The following KIRREL3 variants were observed in gnomAD, a reference collection of about 807,000 sequenced individuals.
KIRREL3 encodes kirre like nephrin family adhesion molecule 3.
In KIRREL3, 36 loss-of-function variants were observed where a neutral mutation model predicts 89.7. The ratio of observed to expected loss-of-function variants is 0.40; its 90% CI spans 0.31 to 0.53. The LOEUF (loss-of-function observed/expected upper bound fraction) is 0.53, where lower values mean the gene tolerates loss of function less well. Among genes scored for constraint, KIRREL3 ranks in the 20% least tolerant of loss-of-function variants. The pLI, the probability that KIRREL3 is intolerant of heterozygous loss-of-function variation, is 0.49. For missense variants in KIRREL3, 864 were observed against 1,056.6 expected, an observed-to-expected ratio of 0.82 and a Z score of 2.53; for synonymous variants, 445 against 441.4, an observed-to-expected ratio of 1.01 and a Z score of -0.10.
chr11:126,509,881 C>T (rs1222439350), intron 4 of KIRREL3, among the ~76,000 whole-genome samples: 1 of 149,084 alleles, frequency 6.7e-6, no homozygotes, highest in African/African-American at 2.5e-5. Flanking sequence ...TCTGTAATCC[C>T]AGGAGATTCG....
chr11:126,888,523 G>C (rs1371450167), intron 1 of KIRREL3, among the ~76,000 whole-genome samples: 4 of 152,094 alleles, frequency 2.6e-5, no homozygotes, highest in Non-Finnish European at 5.9e-5. Context: ...ATTTATAAAG[G>C]CTAGACCAGA....
At chr11:126,545,858 A>G (rs1179895125) in intron 2 of KIRREL3, among the ~76,000 whole-genome samples, 1 of 152,186 alleles carries the variant, frequency 6.6e-6, no homozygotes, top group African/African-American at 2.4e-5. Context: ...CAGGGCCCCC[A>G]CTGGCGCTGC....
chr11:126,547,593 T>C (rs1938911498), intron 2 of KIRREL3, among the ~76,000 whole-genome samples: 1 of 152,160 alleles, frequency 6.6e-6, no homozygotes, highest in Non-Finnish European at 1.5e-5. Context: ...CCTCAGGCTG[T>C]GTCCTCTCTT....
Position 126,796,997 on chromosome 11 carries a change from A to G in KIRREL3, c.55+203458T>C, listed in dbSNP as rs1306935401. Among the ~76,000 whole-genome samples, 2 of 152,180 alleles carry G rather than the reference A, an allele frequency of 1.3e-5. No individual in the cohort carries two copies. Among genetic ancestry groups the G allele is most frequent in the African/African-American group, 4.8e-5 (2 of 41,442 alleles). On this transcript the variant is annotated intron_variant, in intron 1 of 16. Coordinates refer to ENST00000525144, the MANE Select transcript of KIRREL3 (RefSeq NM_032531.4). The surrounding 1 kb of genome is among the most constrained non-coding windows in gnomAD (Gnocchi z 5.1). ...AGAATGTTTCTGGGGTGGAGGTCAT[A>G]TCAGGGCTGGGGACAGAAAGGCTGA... is the stretch of plus-strand genomic sequence containing the variant.
rs1347178674 is a variant in KIRREL3 at position 126,526,166 on chromosome 11, AATAATT to A, written c.283+366_283+371del. On this transcript the variant is annotated intron_variant, in intron 3 of 16. Transcript: ENST00000525144. The surrounding 1 kb of genome is among the most constrained non-coding windows in gnomAD (Gnocchi z 5.7). ...ACCAGGTTGTGACTTGTATTTCCTT[AATAATT>A]GTGCCTTAATAAATGGGGGATACAT... Among the ~76,000 whole-genome samples the A allele has an allele frequency of 6.6e-6, 1 of 152,140 alleles. No homozygotes were observed.
chr11:126,823,841 G>GC (rs1223777276), intron 1 of KIRREL3, among the ~76,000 whole-genome samples: 1 of 152,218 alleles, frequency 6.6e-6, no homozygotes, highest in African/African-American at 2.4e-5. Flanking sequence ...GCTCAAGCTG[G>GC]CAGGTGGGTC....
Position 126,490,962 on chromosome 11 carries a change from G to A in KIRREL3, c.434-17496C>T, listed in dbSNP as rs1352463604. 6.6e-6 allele frequency among the ~76,000 whole-genome samples: 1 copy of A among 152,216 alleles called. No individual in the cohort carries two copies. The highest frequency in any genetic ancestry group is 2.4e-5 in the African/African-American group (1 of 41,448). On this transcript the variant is annotated intron_variant, in intron 4 of 16. Coordinates refer to ENST00000525144, the MANE Select transcript of KIRREL3 (RefSeq NM_032531.4). The surrounding 1 kb of genome is among the most constrained non-coding windows in gnomAD (Gnocchi z 4.2). Reference sequence around the variant, plus strand: ...AGGATCCACAGCCCACCTGCACGAGGAGGGGGCGTTTGGAGGGTGGAGGAG... The same window carrying A: ...AGGATCCACAGCCCACCTGCACGAGAAGGGGGCGTTTGGAGGGTGGAGGAG...
rs1460754060 is a variant in KIRREL3 at position 126,977,384 on chromosome 11, A to G, written c.55+23071T>C. Among the ~76,000 whole-genome samples, 1 of 151,612 alleles carries G rather than the reference A, an allele frequency of 6.6e-6. No individual in the cohort carries two copies. The highest frequency in any genetic ancestry group is 2.4e-5 in the African/African-American group (1 of 41,238). ...CTTTCTTGAGCCACCTTTCTTTTTC[A>G]TCACCCAGCTTTTCATATTGTTTAT... On this transcript the variant is annotated intron_variant, in intron 1 of 16. Transcript: ENST00000525144. This position sits in a 1 kb window ranked among gnomAD's most constrained non-coding sequence, Gnocchi z 4.7.
In KIRREL3 at chr11:126,837,831, A is replaced by C. The variant is rs985446078; in HGVS notation, c.55+162624T>G. The stretch of plus-strand genomic sequence containing the variant: ...CAGCAACTTGCTATCCATTTCTAGC[A>C]GCTCGCAGTCTATGTCCAGGCATAC... On this transcript the variant is annotated intron_variant, in intron 1 of 16. Transcript: ENST00000525144. The surrounding 1 kb of genome is among the most constrained non-coding windows in gnomAD (Gnocchi z 4.7). 6.6e-6 allele frequency among the ~76,000 whole-genome samples: 1 copy of C among 152,212 alleles called. No homozygotes were observed. Among genetic ancestry groups the C allele is most frequent in the Non-Finnish European group, 1.5e-5 (1 of 68,026 alleles).
At chr11:126,962,507 T>C (rs555289973) in intron 1 of KIRREL3, among the ~76,000 whole-genome samples, 1 of 152,166 alleles carries the variant, frequency 6.6e-6, no homozygotes, top group East Asian at 1.9e-4. Flanking sequence ...GGATGAGGAG[T>C]TGCTTCTCAT....
rs1957522080 is a variant in KIRREL3 at position 126,491,755 on chromosome 11, T to G, written c.434-18289A>C. On this transcript the variant is annotated intron_variant, in intron 4 of 16. Coordinates refer to ENST00000525144, the MANE Select transcript of KIRREL3 (RefSeq NM_032531.4). This position sits in a 1 kb window ranked among gnomAD's most constrained non-coding sequence, Gnocchi z 5.5. ...CTTGCTCTGTCACCCAAGCTGGAGT[T>G]CAGTGGCATGATCTCGGCTCACTGC... Among the ~76,000 whole-genome samples, 1 of 152,062 alleles carries G rather than the reference T, an allele frequency of 6.6e-6. No homozygotes were observed. Among genetic ancestry groups the G allele is most frequent in the African/African-American group, 2.4e-5 (1 of 41,396 alleles).
chr11:126,892,924 C>A lies in KIRREL3; in HGVS notation c.55+107531G>T, dbSNP rs572864864. Among the ~76,000 whole-genome samples, 1 of 152,192 alleles carries A rather than the reference C, an allele frequency of 6.6e-6. No homozygotes were observed. Among genetic ancestry groups the A allele is most frequent in the Non-Finnish European group, 1.5e-5 (1 of 68,028 alleles). ...CTGCCTGGCATCCCTGCTGCAGAAT[C>A]GGGCTAGGATAGGGCTGAGTATTCT... On this transcript the variant is annotated intron_variant, in intron 1 of 16. Coordinates refer to ENST00000525144, the MANE Select transcript of KIRREL3 (RefSeq NM_032531.4). This position sits in a 1 kb window ranked among gnomAD's most constrained non-coding sequence, Gnocchi z 5.4.
rs114440051 is a variant in KIRREL3 at position 126,532,655 on chromosome 11, C to T, written c.134-5968G>A. ...CTTCCCAAAGTGCTAGGATTATAAG[C>T]GTGAGCCACTACACCTGGCCCAGAT... On this transcript the variant is annotated intron_variant, in intron 2 of 16. Transcript: ENST00000525144. Among the ~76,000 whole-genome samples, 733 of 145,752 alleles carry T rather than the reference C, an allele frequency of 5.0e-3. 5 individuals carry two copies. The highest frequency in any genetic ancestry group is 0.018 in the African/African-American group (694 of 39,114).
rs551632943 is a variant in KIRREL3 at position 126,953,467 on chromosome 11, A to G, written c.55+46988T>C. On this transcript the variant is annotated intron_variant, in intron 1 of 16. Transcript: ENST00000525144. This position sits in a 1 kb window ranked among gnomAD's most constrained non-coding sequence, Gnocchi z 5.2. The stretch of plus-strand genomic sequence containing the variant: ...GTACATTCTGCACAAGTATCCCAGA[A>G]CTTAAAGTATATATATAAAAAAGAA... Among the ~76,000 whole-genome samples the G allele has an allele frequency of 5.3e-4, 81 of 152,212 alleles. 1 individual carries two copies. Among genetic ancestry groups the G allele is most frequent in the Admixed American group, 5.2e-3 (79 of 15,296 alleles).
intron 1 of KIRREL3, among the ~76,000 whole-genome samples, chr11:126,613,793 G>A (rs373738693): frequency 3.4e-4 from 51 of 149,968 alleles, no homozygotes; most frequent in African/African-American, 1.2e-3. Context: ...CATTGGGAAC[G>A]AAAACCCTTG....
chr11:126,709,148 C>T lies in KIRREL3; in HGVS notation c.56-146236G>A, dbSNP rs1203457888. Among the ~76,000 whole-genome samples the T allele has an allele frequency of 6.6e-6, 1 of 152,218 alleles. No homozygotes were observed. The highest frequency in any genetic ancestry group is 1.5e-5 in the Non-Finnish European group (1 of 68,050). On this transcript the variant is annotated intron_variant, in intron 1 of 16. Transcript: ENST00000525144. The surrounding 1 kb of genome is among the most constrained non-coding windows in gnomAD (Gnocchi z 4.0). ...CGCTATGTGCTTGTTTCATTTAATA[C>T]CGTCAACGACCATATAAAGTGTGTT...
chr11:126,841,157 C>T (rs1282143352), intron 1 of KIRREL3, among the ~76,000 whole-genome samples: 1 of 152,178 alleles, frequency 6.6e-6, no homozygotes. Context: ...TCAGGCATCC[C>T]CTGGGGGTTG....
intron 1 of KIRREL3, chr11:126,936,385 G>T (rs1052105768): frequency 6.6e-6 from 1 of 152,128 alleles, no homozygotes; most frequent in Non-Finnish European, 1.5e-5. Context: ...TCCACTCCTA[G>T]ATGTCTGCCC....
At chr11:126,500,834 A>T (rs1408540568) in intron 4 of KIRREL3, among the ~76,000 whole-genome samples, 1 of 152,136 alleles carries the variant, frequency 6.6e-6, no homozygotes, top group Non-Finnish European at 1.5e-5. Context: ...GCATACTCAT[A>T]ACTCTGTTAA....
Sources: allele counts gnomAD v4.1 joint callset (sites outside exome capture counted in the v4.1 genomes callset), GRCh38; gene constraint gnomAD v4.1.1; non-coding constraint Gnocchi (gnomAD v3.1); transcripts MANE v1.5; gene names NCBI Gene and HGNC (gene_info 2026-07-23, HGNC 2026-07-21).